Variants in SPATA6 observed in about 807,000 individuals in gnomAD.
SPATA6 encodes the protein spermatogenesis-associated protein 6.
SPATA6 carries 56 observed loss-of-function variants against 65.3 expected under a neutral mutation model. The observed-to-expected ratio is 0.86, with a 90% CI of 0.69 to 1.07. The LOEUF is 1.07. Among genes scored for constraint, SPATA6 ranks in the 50% least tolerant of loss-of-function variants. SPATA6 has a pLI of 0.00. For synonymous variants in SPATA6, 199 were observed against 213.2 expected (o/e 0.93, Z 0.58); for missense variants, 590 against 594.8 (o/e 0.99, Z 0.08).
the SPATA6 span, among the ~76,000 whole-genome samples, chr1:48,280,571 T>C: frequency 5.3e-5 from 8 of 152,110 alleles, no homozygotes; most frequent in African/African-American, 1.9e-4. Context: ...ACAAATAAAC[T>C]AGAAAATCTA....
intron 11 of SPATA6, chr1:48,325,725 G>T (rs948143847): frequency 9.3e-6 from 5 of 535,098 alleles, no homozygotes; most frequent in Non-Finnish European, 1.8e-5. Context: ...AGAGCCAATG[G>T]CAATGGCCCA....
chr1:48,314,210 C>T (rs1034263782), intron 11 of SPATA6, among the ~76,000 whole-genome samples: 2 of 152,200 alleles, frequency 1.3e-5, no homozygotes, highest in Admixed American at 6.5e-5. Flanking sequence ...ATCTACAGAA[C>T]TCTCCACCCC....
At chr1:48,315,942 T>A (rs899262462) in intron 11 of SPATA6, among the ~76,000 whole-genome samples, 1 of 152,088 alleles carries the variant, frequency 6.6e-6, no homozygotes, top group African/African-American at 2.4e-5. Flanking sequence ...CACAACTGCT[T>A]CAAAGAGAAT....
At position 48,354,909 on chromosome 1, in the gene SPATA6, T is replaced by G. The variant is rs77057037; in HGVS notation, c.1194+761A>C. Among the ~76,000 whole-genome samples the G allele has an allele frequency of 3.3e-3, 504 of 152,236 alleles. 2 individuals are homozygous for G. Among genetic ancestry groups the G allele is most frequent in the African/African-American group, 0.011 (476 of 41,568 alleles). On this transcript the variant is annotated intron_variant, in intron 11 of 12. Coordinates refer to ENST00000371847, the MANE Select transcript of SPATA6 (RefSeq NM_019073.4). ...TTATTATTTGTGCATTTTCTATGTG[T>G]TCTTTTCTATGCTTTGAAAAGAAGT...
At chr1:48,429,309 G>A (rs1433621783) in intron 3 of SPATA6, among the ~76,000 whole-genome samples, 1 of 151,700 alleles carries the variant, frequency 6.6e-6, no homozygotes, top group African/African-American at 2.4e-5. Flanking sequence ...TCCCTTTTTG[G>A]GAGCCTTAAA....
At chr1:48,422,022 G>A (rs1260484707) in intron 3 of SPATA6, among the ~76,000 whole-genome samples, 1 of 152,106 alleles carries the variant, frequency 6.6e-6, no homozygotes, top group Non-Finnish European at 1.5e-5. Context: ...ATACATCATA[G>A]AAAGCTGTAA....
chr1:48,354,662 G>A (rs966182256), intron 11 of SPATA6, among the ~76,000 whole-genome samples: 3 of 152,024 alleles, frequency 2.0e-5, no homozygotes, highest in Non-Finnish European at 4.4e-5. Context: ...GAATAAAAAA[G>A]TAGACACTGT....
At chr1:48,406,356 AAAGTC>A (rs144520382) in intron 5 of SPATA6, among the ~76,000 whole-genome samples, 1,857 of 152,330 alleles carry the variant, frequency 0.012, 38 homozygotes, top group African/African-American at 0.042. Flanking sequence ...TCCTTTATTT[AAAGTC>A]AAGTGATTGT....
chr1:48,264,998 T>C, the SPATA6 span, among the ~76,000 whole-genome samples: 6 of 152,224 alleles, frequency 3.9e-5, no homozygotes, highest in Admixed American at 3.9e-4. Flanking sequence ...TGCCTCTTCA[T>C]GCCTCCATGC....
At chr1:48,384,069 T>G (rs1649126593) in intron 9 of SPATA6, among the ~76,000 whole-genome samples, 1 of 150,632 alleles carries the variant, frequency 6.6e-6, no homozygotes. Flanking sequence ...TGAACGAGAC[T>G]CCATCTGCAA....
intron 3 of SPATA6, among the ~76,000 whole-genome samples, chr1:48,426,016 C>A (rs367797928): frequency 6.6e-6 from 1 of 151,918 alleles, no homozygotes; most frequent in African/African-American, 2.4e-5. Flanking sequence ...ATCAAAAGAA[C>A]AAGAATCGCT....
the SPATA6 span, among the ~76,000 whole-genome samples, chr1:48,288,596 C>T: frequency 6.6e-6 from 1 of 152,180 alleles, no homozygotes; most frequent in Non-Finnish European, 1.5e-5. Context: ...CCTTTCCTAG[C>T]CAAGGGAAGC....
At chr1:48,415,644 G>GA (rs34312507) in intron 3 of SPATA6, among the ~76,000 whole-genome samples, 1,787 of 136,282 alleles carry the variant, frequency 0.013, 15 homozygotes, top group South Asian at 0.027. Flanking sequence ...AAAAAAGACT[G>GA]AAAAAAAAAA....
the SPATA6 span, among the ~76,000 whole-genome samples, chr1:48,261,559 T>A: frequency 6.6e-6 from 1 of 152,088 alleles, no homozygotes; most frequent in Non-Finnish European, 1.5e-5. Flanking sequence ...TTAAGTTAGT[T>A]CATCTCTCGA....
At chr1:48,280,392 G>T in the SPATA6 span, among the ~76,000 whole-genome samples, 1 of 152,134 alleles carries the variant, frequency 6.6e-6, no homozygotes, top group African/African-American at 2.4e-5. Context: ...GTGAATACAG[G>T]AGCTGTTTTT....
intron 12 of SPATA6, among the ~76,000 whole-genome samples, chr1:48,301,314 GAA>G (rs1024337465): frequency 1.3e-5 from 2 of 150,804 alleles, no homozygotes; most frequent in African/African-American, 4.9e-5. Flanking sequence ...CCAGAAAAGT[GAA>G]AGACTGCTAT....
chr1:48,471,609 C>A (rs1658254257), intron 1 of SPATA6, among the ~76,000 whole-genome samples: 1 of 152,056 alleles, frequency 6.6e-6, no homozygotes, highest in South Asian at 2.1e-4. Context: ...AGAACTGGAG[C>A]CCGAAAGAGG....
intron 9 of SPATA6, among the ~76,000 whole-genome samples, chr1:48,378,136 T>C (rs544750532): frequency 6.6e-6 from 1 of 152,292 alleles, no homozygotes; most frequent in East Asian, 1.9e-4. Flanking sequence ...TTCCAACAGT[T>C]GGAGGCTTAC....
At chr1:48,409,114 A>G (rs1470464943) in intron 5 of SPATA6, among the ~76,000 whole-genome samples, 1 of 152,234 alleles carries the variant, frequency 6.6e-6, no homozygotes, top group Non-Finnish European at 1.5e-5. Context: ...TCCACTTTTG[A>G]GCCTGTAAAA....
Sources: gnomAD v4.1 joint callset for allele counts (sites outside exome capture counted in the v4.1 genomes callset) on GRCh38, gnomAD v4.1.1 for gene constraint, MANE v1.5 for transcripts, NCBI Gene and HGNC (gene_info 2026-07-23, HGNC 2026-07-21) for gene names.